PCLO: variants seen among roughly 807,000 people sequenced by gnomAD.
PCLO encodes the protein protein piccolo.
PCLO carries 82 observed loss-of-function variants against 427.5 expected under a neutral mutation model. The ratio of observed to expected loss-of-function variants is 0.19; its 90% CI spans 0.16 to 0.23. The LOEUF (loss-of-function observed/expected upper bound fraction) is 0.23, where lower values mean the gene tolerates loss of function less well. Ranked by LOEUF, PCLO falls within the 10% of genes least tolerant of loss-of-function variation. PCLO has a pLI of 1.00. For missense variants in PCLO, 6,239 were observed against 6,115.9 expected (o/e 1.02, Z -0.67); for synonymous variants, 2,357 against 2,155.4 (o/e 1.09, Z -2.59).
chr7:83,076,997 T>G (rs1789971130), intron 3 of PCLO, among the ~76,000 whole-genome samples: 1 of 146,324 alleles, frequency 6.8e-6, no homozygotes, highest in South Asian at 2.2e-4. Flanking sequence ...AAAAGTATAA[T>G]AATTTTAAAA....
At chr7:83,112,281 C>T (rs1201274708) in intron 3 of PCLO, among the ~76,000 whole-genome samples, 1 of 152,114 alleles carries the variant, frequency 6.6e-6, no homozygotes, top group Non-Finnish European at 1.5e-5. Context: ...TGGTCTCGAA[C>T]TCCTGACCTC....
At chr7:83,157,058 T>C (rs1792321086) in intron 1 of PCLO, among the ~76,000 whole-genome samples, 1 of 152,150 alleles carries the variant, frequency 6.6e-6, no homozygotes, top group South Asian at 2.1e-4. Flanking sequence ...CTTGGGCTTC[T>C]AGTGATCCAG....
chr7:83,055,555 C>T (rs906255957), intron 3 of PCLO, among the ~76,000 whole-genome samples: 1 of 151,950 alleles, frequency 6.6e-6, no homozygotes. Flanking sequence ...CTGTTTGGAT[C>T]CATTTTTGAA....
intron 6 of PCLO, among the ~76,000 whole-genome samples, chr7:82,918,712 A>C (rs1027515863): frequency 2.0e-5 from 3 of 152,048 alleles, no homozygotes; most frequent in African/African-American, 4.8e-5. Flanking sequence ...CATATGCATA[A>C]GCATTTGAAA....
chr7:82,802,449 G>C (rs1175681562), intron 21 of PCLO, among the ~76,000 whole-genome samples: 1 of 152,002 alleles, frequency 6.6e-6, no homozygotes, highest in African/African-American at 2.4e-5. Context: ...GAAGAATTCA[G>C]GATACTTTGA....
intron 8 of PCLO, among the ~76,000 whole-genome samples, chr7:82,906,035 A>ATAGATAGG (rs1794182902): frequency 6.6e-6 from 1 of 151,622 alleles, no homozygotes; most frequent in Non-Finnish European, 1.5e-5. Flanking sequence ...AGATAGATAG[A>ATAGATAGG]TAGATAGATA....
At chr7:83,147,609 A>C (rs1792027890) in intron 2 of PCLO, among the ~76,000 whole-genome samples, 1 of 152,170 alleles carries the variant, frequency 6.6e-6, no homozygotes, top group African/African-American at 2.4e-5. Flanking sequence ...AGAATGAAAA[A>C]TCCCTGACAT....
intron 3 of PCLO, among the ~76,000 whole-genome samples, chr7:83,065,652 G>A (rs1163443529): frequency 2.0e-5 from 3 of 151,948 alleles, no homozygotes; most frequent in Non-Finnish European, 4.4e-5. Context: ...TAAATATGCA[G>A]ATACAATGAG....
intron 3 of PCLO, among the ~76,000 whole-genome samples, chr7:83,018,724 G>A (rs148997231): frequency 2.0e-4 from 30 of 152,072 alleles, no homozygotes; most frequent in African/African-American, 7.2e-4. Flanking sequence ...TGTATTCTGA[G>A]TTGGTGGTTG....
At chr7:82,974,702 C>T (rs925663405) in intron 3 of PCLO, among the ~76,000 whole-genome samples, 8 of 151,970 alleles carry the variant, frequency 5.3e-5, no homozygotes, top group South Asian at 4.1e-4. Context: ...GTTTTATGTG[C>T]GTCAAGTTAA....
chr7:82,833,988 A>C (rs1201539367), intron 16 of PCLO, among the ~76,000 whole-genome samples: 3 of 152,158 alleles, frequency 2.0e-5, no homozygotes, highest in African/African-American at 7.2e-5. Flanking sequence ...TCCACAGTCT[A>C]ACTTACAATG....
Position 83,090,751 on chromosome 7 carries a change from A to AT in PCLO, c.3300+43498dup, listed in dbSNP as rs899564283. Among the ~76,000 whole-genome samples, 9 of 152,054 alleles carry AT rather than the reference A, an allele frequency of 5.9e-5. 1 individual carries two copies. The highest frequency in any genetic ancestry group is 9.7e-5 in the African/African-American group (4 of 41,416). Reference sequence around the variant, plus strand: ...TTCTAAATATATATTTTTAAATTACATTTTTTTGATAAAACTTGGAACTAA... The same window carrying AT: ...TTCTAAATATATATTTTTAAATTACATTTTTTTTGATAAAACTTGGAACTAA... On this transcript the variant is annotated intron_variant, in intron 3 of 24. Transcript: ENST00000333891.
At chr7:83,072,922 A>C (rs1202468343) in intron 3 of PCLO, among the ~76,000 whole-genome samples, 3 of 151,854 alleles carry the variant, frequency 2.0e-5, no homozygotes, top group African/African-American at 7.3e-5. Context: ...TTTACCTTCA[A>C]CATCAAATCA....
intron 7 of PCLO, among the ~76,000 whole-genome samples, chr7:82,911,913 G>A (rs527977797): frequency 1.3e-5 from 2 of 152,206 alleles, no homozygotes; most frequent in African/African-American, 2.4e-5. Flanking sequence ...GAGCCACCAC[G>A]TCTGGCCTGT....
chr7:82,823,352 T>C (rs1791844130), intron 19 of PCLO, among the ~76,000 whole-genome samples: 1 of 152,176 alleles, frequency 6.6e-6, no homozygotes, highest in Non-Finnish European at 1.5e-5. Context: ...GCATTTATGA[T>C]TCAGAGAATC....
At chr7:82,924,800 T>A (rs1794675631) in intron 6 of PCLO, among the ~76,000 whole-genome samples, 1 of 151,830 alleles carries the variant, frequency 6.6e-6, no homozygotes, top group Admixed American at 6.6e-5. Context: ...ATCTTAAAAA[T>A]AACTTAAGAA....
At chr7:82,931,187 C>G (rs62458563) in intron 6 of PCLO, among the ~76,000 whole-genome samples, 22,754 of 152,032 alleles carry the variant, frequency 0.15, 2,781 homozygotes, top group African/African-American at 0.33. Flanking sequence ...ACTATTATTA[C>G]CTTCAATTTA....
intron 3 of PCLO, among the ~76,000 whole-genome samples, chr7:82,970,957 T>C (rs114680546): frequency 0.011 from 1,712 of 151,940 alleles, 34 homozygotes; most frequent in African/African-American, 0.038. Context: ...TCCCAAAATT[T>C]TGGAAATACT....
intron 22 of PCLO, among the ~76,000 whole-genome samples, chr7:82,792,959 A>G (rs1045644467): frequency 6.6e-6 from 1 of 151,534 alleles, no homozygotes. Flanking sequence ...TGGTTCTTAT[A>G]TGGCAAGCTT....
Sources: gnomAD v4.1 joint callset for allele counts (sites outside exome capture counted in the v4.1 genomes callset) on GRCh38, gnomAD v4.1.1 for gene constraint, MANE v1.5 for transcripts, NCBI Gene and HGNC (gene_info 2026-07-23, HGNC 2026-07-21) for gene names.